The following KIRREL3 variants were observed in gnomAD, a reference collection of about 807,000 sequenced individuals.
The protein encoded by KIRREL3 is kirre like nephrin family adhesion molecule 3.
In KIRREL3, 36 loss-of-function variants were observed where a neutral mutation model predicts 89.7. The ratio of observed to expected loss-of-function variants is 0.40; its 90% CI spans 0.31 to 0.53. KIRREL3 has a LOEUF of 0.53. Ranked by LOEUF, KIRREL3 falls within the 20% of genes least tolerant of loss-of-function variation. The pLI, the probability that KIRREL3 is intolerant of heterozygous loss-of-function variation, is 0.49. For missense variants in KIRREL3, 864 were observed against 1,056.6 expected (o/e 0.82, Z 2.53); for synonymous variants, 445 against 441.4 (o/e 1.01, Z -0.10).
At chr11:126,693,803 A>G (rs942955251) in intron 1 of KIRREL3, among the ~76,000 whole-genome samples, 12 of 152,376 alleles carry the variant, frequency 7.9e-5, no homozygotes, top group Admixed American at 5.9e-4. Flanking sequence ...AAACGGACAC[A>G]TTTCCAATCA....
chr11:126,743,571 A>T (rs1406711608), intron 1 of KIRREL3, among the ~76,000 whole-genome samples: 1 of 152,264 alleles, frequency 6.6e-6, no homozygotes. Context: ...TTAAAGAAGA[A>T]TTCTTGTTGG....
chr11:126,774,480 G>T (rs1950112946), intron 1 of KIRREL3, among the ~76,000 whole-genome samples: 1 of 152,170 alleles, frequency 6.6e-6, no homozygotes, highest in Non-Finnish European at 1.5e-5. Flanking sequence ...ATGGAATTTT[G>T]CTTTGGTCAT....
chr11:126,483,720 C>G (rs1284444118), intron 4 of KIRREL3, among the ~76,000 whole-genome samples: 2 of 152,238 alleles, frequency 1.3e-5, no homozygotes, highest in African/African-American at 4.8e-5. Flanking sequence ...TGACCATTAA[C>G]TCTTCTGTGA....
intron 1 of KIRREL3, among the ~76,000 whole-genome samples, chr11:126,829,168 G>A (rs1307726684): frequency 6.6e-6 from 1 of 152,202 alleles, no homozygotes; most frequent in Non-Finnish European, 1.5e-5. Context: ...GGAGCAAGAT[G>A]GAAACAGGAG....
chr11:126,726,929 A>G (rs1592029892), intron 1 of KIRREL3, among the ~76,000 whole-genome samples: 1 of 151,888 alleles, frequency 6.6e-6, no homozygotes, highest in Non-Finnish European at 1.5e-5. Flanking sequence ...GAACGGTTCT[A>G]CCTCTCACTC....
intron 11 of KIRREL3, among the ~76,000 whole-genome samples, chr11:126,438,746 ATCTT>A (rs1233408194): frequency 1.3e-5 from 2 of 152,238 alleles, no homozygotes; most frequent in East Asian, 1.9e-4. Context: ...TTTTTTGTGA[ATCTT>A]TCAGACAGTG....
chr11:126,557,300 CT>C lies in KIRREL3; in HGVS notation c.133+5534del, dbSNP rs1193521137. 6.6e-6 allele frequency among the ~76,000 whole-genome samples: 1 copy of C among 152,208 alleles called. No homozygotes were observed. The highest frequency in any genetic ancestry group is 1.5e-5 in the Non-Finnish European group (1 of 68,034). ...ATGGGAGAAAGAAACACGGATCCAC[CT>C]TCAGAGGCTGCCAAGGAAAGCCAGT... On this transcript the variant is annotated intron_variant, in intron 2 of 16. Coordinates refer to ENST00000525144, the MANE Select transcript of KIRREL3 (RefSeq NM_032531.4). The surrounding 1 kb of genome is among the most constrained non-coding windows in gnomAD (Gnocchi z 5.6).
intron 1 of KIRREL3, chr11:126,944,813 A>G (rs564368875): frequency 2.6e-5 from 4 of 152,332 alleles, no homozygotes; most frequent in Admixed American, 2.6e-4. Flanking sequence ...CCGCTAATTC[A>G]TAGCTGCATT....
In KIRREL3 at chr11:126,440,509, G is replaced by C. The variant is rs367859450; in HGVS notation, c.1293C>G (p.Leu431=). The C allele has an allele frequency of 5.0e-6, 8 of 1,602,332 alleles. No homozygotes were observed. Among genetic ancestry groups the C allele is most frequent in the Non-Finnish European group, 6.8e-6 (8 of 1,175,064 alleles). The change falls in exon 11 of 17, where the codon CTC becomes CTG. Residue 431 remains leucine, a synonymous_variant. Coordinates refer to ENST00000525144, the MANE Select transcript of KIRREL3 (RefSeq NM_032531.4). ...IISSTQTQHA[L]HGEKGQIKCF... ...ACTTGATCTGGCCCTTCTCGCCGTG[G>C]AGGGCGTGCTGGGTCTGGGTGCTGG... is the stretch of plus-strand genomic sequence containing the variant.
intron 1 of KIRREL3, among the ~76,000 whole-genome samples, chr11:126,886,206 T>C (rs2134740537): frequency 6.6e-6 from 1 of 152,340 alleles, no homozygotes; most frequent in South Asian, 2.1e-4. Flanking sequence ...TGCAGAAATG[T>C]CTCAATGTTG....
rs1592139291 is a variant in KIRREL3 at position 126,795,653 on chromosome 11, G to A, written c.55+204802C>T. 6.6e-6 allele frequency among the ~76,000 whole-genome samples: 1 copy of A among 152,152 alleles called. No homozygotes were observed. The highest frequency in any genetic ancestry group is 1.9e-4 in the East Asian group (1 of 5,192). On this transcript the variant is annotated intron_variant, in intron 1 of 16. Coordinates refer to ENST00000525144, the MANE Select transcript of KIRREL3 (RefSeq NM_032531.4). This position sits in a 1 kb window ranked among gnomAD's most constrained non-coding sequence, Gnocchi z 4.1. ...CCCTCCTCGGCCTCCCCAAGTGCCA[G>A]GATTACAGGAGTGAGCCACTGTGCC...
chr11:126,539,409 T>G (rs930347905), intron 2 of KIRREL3, among the ~76,000 whole-genome samples: 2 of 152,170 alleles, frequency 1.3e-5, no homozygotes, highest in African/African-American at 4.8e-5. Flanking sequence ...TTGACCCACA[T>G]GCTCAGATCT....
chr11:126,428,589 A>G lies in KIRREL3; in HGVS notation c.1806+590T>C, dbSNP rs531366354. Among the ~76,000 whole-genome samples, 2 of 152,168 alleles carry G rather than the reference A, an allele frequency of 1.3e-5. No individual in the cohort carries two copies. Among genetic ancestry groups the G allele is most frequent in the South Asian group, 2.1e-4 (1 of 4,820 alleles). On this transcript the variant is annotated intron_variant, in intron 15 of 16. Coordinates refer to ENST00000525144, the MANE Select transcript of KIRREL3 (RefSeq NM_032531.4). This position sits in a 1 kb window ranked among gnomAD's most constrained non-coding sequence, Gnocchi z 6.4. ...ATATAACAACATATTGTGGCAATTTATGCATATGTCTTTTCTCCTTACTGA... is the reference window on the plus strand; with the variant it reads ...ATATAACAACATATTGTGGCAATTTGTGCATATGTCTTTTCTCCTTACTGA...
chr11:126,947,017 G>T (rs1273048570), intron 1 of KIRREL3, among the ~76,000 whole-genome samples: 2 of 152,072 alleles, frequency 1.3e-5, no homozygotes. Context: ...TAGAACCCAA[G>T]TTCCTAACTG....
chr11:126,895,067 G>C (rs1048447734), intron 1 of KIRREL3, among the ~76,000 whole-genome samples: 36 of 152,118 alleles, frequency 2.4e-4, no homozygotes, highest in African/African-American at 8.7e-4. Flanking sequence ...AAAACAAGGA[G>C]CTCCCAGGCA....
intron 5 of KIRREL3, among the ~76,000 whole-genome samples, chr11:126,472,053 C>T (rs962071815): frequency 6.6e-6 from 1 of 152,138 alleles, no homozygotes; most frequent in Non-Finnish European, 1.5e-5. Context: ...CACCTGGCAG[C>T]CCTGGAAAGT....
chr11:126,670,881 T>C (rs1455479332), intron 1 of KIRREL3, among the ~76,000 whole-genome samples: 2 of 152,142 alleles, frequency 1.3e-5, no homozygotes, highest in African/African-American at 4.8e-5. Flanking sequence ...CAATACTAAA[T>C]AAGAAATAAG....
rs560432586 is a variant in KIRREL3 at position 126,883,520 on chromosome 11, T to A, written c.55+116935A>T. Among the ~76,000 whole-genome samples the A allele has an allele frequency of 2.6e-5, 4 of 152,224 alleles. No individual in the cohort carries two copies. The highest frequency in any genetic ancestry group is 9.6e-5 in the African/African-American group (4 of 41,542). On this transcript the variant is annotated intron_variant, in intron 1 of 16. Transcript: ENST00000525144. The surrounding 1 kb of genome is among the most constrained non-coding windows in gnomAD (Gnocchi z 4.1). ...CTCTGCTTGAAACGTCCTTAACTCA[T>A]CTTCTCCACCTGGAAAAAATCCAAA...
In KIRREL3 at chr11:126,512,206, T is replaced by C. The variant is rs144922324; in HGVS notation, c.433+9109A>G. 2.8e-3 allele frequency among the ~76,000 whole-genome samples: 429 copies of C among 152,358 alleles called. 2 individuals are homozygous for C. Among genetic ancestry groups the C allele is most frequent in the African/African-American group, 9.4e-3 (389 of 41,584 alleles). ...GGTCAGTACTTCAGGCCTCCAAGAA[T>C]GTGTCCATTTCCTAACAGTGACTGA... On this transcript the variant is annotated intron_variant, in intron 4 of 16. Transcript: ENST00000525144.
Sources: allele counts gnomAD v4.1 joint callset (sites outside exome capture counted in the v4.1 genomes callset), GRCh38; gene constraint gnomAD v4.1.1; non-coding constraint Gnocchi (gnomAD v3.1); transcripts MANE v1.5; gene names NCBI Gene and HGNC (gene_info 2026-07-23, HGNC 2026-07-21).